Variants in SYT1 observed in about 807,000 individuals in gnomAD.
The protein encoded by SYT1 is synaptotagmin-1.
Under a neutral mutation model 44.8 loss-of-function variants are expected in SYT1, and 8 were observed. The ratio of observed to expected loss-of-function variants is 0.18; its 90% confidence interval spans 0.10 to 0.32. SYT1 has a LOEUF of 0.32. Among genes scored for constraint, SYT1 ranks in the 10% least tolerant of loss-of-function variants. The pLI, the probability that SYT1 is intolerant of heterozygous loss-of-function variation, is 1.00. For missense variants in SYT1, 286 were observed against 509.3 expected (o/e 0.56, Z 4.22); for synonymous variants, 154 against 188.8 (o/e 0.82, Z 1.51).
chr12:79,179,325 T>TATCGATATGTCTATATC (rs1872251392), intron 3 of SYT1, among the ~76,000 whole-genome samples: 1 of 50,570 alleles, frequency 2.0e-5, no homozygotes. Flanking sequence ...GATATAGATA[T>TATCGATATGTCTATATC]AGATATAGAT....
intron 1 of SYT1, among the ~76,000 whole-genome samples, chr12:78,928,686 G>A (rs960201765): frequency 6.6e-6 from 1 of 152,100 alleles, no homozygotes; most frequent in East Asian, 1.9e-4. Flanking sequence ...TGAGCAAATA[G>A]CGTGGACAGC....
chr12:78,884,566 CTT>C (rs1241151843), intron 1 of SYT1, among the ~76,000 whole-genome samples: 1 of 151,430 alleles, frequency 6.6e-6, no homozygotes, highest in Non-Finnish European at 1.5e-5. Flanking sequence ...TTTATAACAT[CTT>C]GTTTGTTTAA....
At chr12:78,962,053 G>A (rs1006643400) in intron 1 of SYT1, among the ~76,000 whole-genome samples, 1 of 152,074 alleles carries the variant, frequency 6.6e-6, no homozygotes, top group South Asian at 2.1e-4. Flanking sequence ...TCTCGTTTTT[G>A]TTTTCTTTTG....
intron 2 of SYT1, 85 bp from the exon 3 acceptor site, chr12:79,047,208 TTAAA>T (rs1367562256): frequency 6.6e-6 from 1 of 151,518 alleles, no homozygotes; most frequent in African/African-American, 2.4e-5. Flanking sequence ...AGTAGAAATA[TTAAA>T]TAATAAAATT....
Position 79,025,396 on chromosome 12 carries a change from A to G in SYT1, c.-83-21901A>G, listed in dbSNP as rs557613851. Among the ~76,000 whole-genome samples the G allele has an allele frequency of 5.9e-5, 9 of 151,824 alleles. No homozygotes were observed. The South Asian group carries it at 1.9e-3, about 31-fold the overall frequency. On this transcript the variant is annotated intron_variant, in intron 2 of 10. Coordinates refer to ENST00000261205, the MANE Select transcript of SYT1 (RefSeq NM_005639.3). ...TTTATAGAAGCACTGGGAAGCCTGGAAATGATGCTTAAATTATATTGAACC... is the reference window on the plus strand; with the variant it reads ...TTTATAGAAGCACTGGGAAGCCTGGGAATGATGCTTAAATTATATTGAACC...
chr12:79,011,059 G>T (rs77830088), intron 2 of SYT1, among the ~76,000 whole-genome samples: 1 of 152,074 alleles, frequency 6.6e-6, no homozygotes, highest in African/African-American at 2.4e-5. Context: ...CAGAATTTGC[G>T]TTCTATTTCT....
At chr12:79,273,364 C>A (rs1878538075) in intron 4 of SYT1, among the ~76,000 whole-genome samples, 1 of 152,078 alleles carries the variant, frequency 6.6e-6, no homozygotes, top group South Asian at 2.1e-4. Context: ...CCTGCCTCAG[C>A]CTCCCAAAGT....
At chr12:79,272,437 A>C (rs55991621) in intron 4 of SYT1, among the ~76,000 whole-genome samples, 2 of 152,346 alleles carry the variant, frequency 1.3e-5, no homozygotes, top group Non-Finnish European at 2.9e-5. Context: ...AAAGAAGAGT[A>C]AAACACATTG....
intron 3 of SYT1, among the ~76,000 whole-genome samples, chr12:79,137,153 T>C (rs1408623583): frequency 1.3e-5 from 2 of 151,826 alleles, no homozygotes; most frequent in Non-Finnish European, 2.9e-5. Context: ...TGGAGTGCAA[T>C]GGTGCAATCT....
intron 8 of SYT1, among the ~76,000 whole-genome samples, chr12:79,346,666 C>G (rs1166107774): frequency 6.6e-6 from 1 of 152,142 alleles, no homozygotes. Flanking sequence ...TGACAGTGTC[C>G]ATAGCACTAG....
At chr12:79,391,688 G>T (rs1427438544) in intron 9 of SYT1, among the ~76,000 whole-genome samples, 1 of 151,988 alleles carries the variant, frequency 6.6e-6, no homozygotes, top group East Asian at 1.9e-4. Context: ...GTTGATTCCC[G>T]CCCCCCAACA....
rs73353580 is a variant in SYT1 at position 79,091,565 on chromosome 12, C to T, written c.-18+44203C>T. ...GTTATTGTGATTTATCTGGAGTCAA[C>T]CAGCTTCAGCTTTCAGGGCTTCAAG... On this transcript the variant is annotated intron_variant, in intron 3 of 10. Transcript: ENST00000261205. 9.1e-3 allele frequency among the ~76,000 whole-genome samples: 1,384 copies of T among 152,014 alleles called. 27 individuals are homozygous for T. The highest frequency in any genetic ancestry group is 0.032 in the African/African-American group (1,315 of 41,506).
rs569687658 is a variant in SYT1, at chr12:78,962,811, C to A, written c.-216-14988C>A. Among the ~76,000 whole-genome samples, 11 of 152,244 alleles carry A rather than the reference C, an allele frequency of 7.2e-5. No individual in the cohort carries two copies. The South Asian group carries it at 2.3e-3, about 32-fold the overall frequency. The stretch of plus-strand genomic sequence containing the variant: ...AGCCAAAAATGATGTTTCAAAAATT[C>A]AGGTCTGATCAAGTAGAATTGCCCA... On this transcript the variant is annotated intron_variant, in intron 1 of 10. Coordinates refer to ENST00000261205, the MANE Select transcript of SYT1 (RefSeq NM_005639.3).
intron 3 of SYT1, among the ~76,000 whole-genome samples, chr12:79,140,337 A>G (rs1447090126): frequency 6.6e-6 from 1 of 151,984 alleles, no homozygotes; most frequent in African/African-American, 2.4e-5. Flanking sequence ...GTTTCCCTTT[A>G]CTGCGTATCT....
At chr12:79,024,290 G>A (rs1872383932) in intron 2 of SYT1, among the ~76,000 whole-genome samples, 1 of 151,754 alleles carries the variant, frequency 6.6e-6, no homozygotes, top group Admixed American at 6.6e-5. Flanking sequence ...TCGAGGATGG[G>A]TTGGAGAGCA....
intron 2 of SYT1, among the ~76,000 whole-genome samples, chr12:79,007,881 G>A (rs971103413): frequency 2.0e-5 from 3 of 152,018 alleles, no homozygotes; most frequent in African/African-American, 4.8e-5. Flanking sequence ...ATGAGTAATG[G>A]CCCCCTTCAG....
At chr12:78,870,411 T>C (rs528728245) in intron 1 of SYT1, among the ~76,000 whole-genome samples, 40 of 152,200 alleles carry the variant, frequency 2.6e-4, no homozygotes, top group African/African-American at 9.4e-4. Flanking sequence ...GTTCCGATAT[T>C]TTTTTATCAA....
intron 2 of SYT1, among the ~76,000 whole-genome samples, chr12:79,024,965 C>T (rs1440668226): frequency 6.6e-6 from 1 of 151,662 alleles, no homozygotes; most frequent in Non-Finnish European, 1.5e-5. Flanking sequence ...CTTTGATAGT[C>T]TAAAGCAAAG....
chr12:79,350,143 G>A (rs1278900329), intron 8 of SYT1, among the ~76,000 whole-genome samples: 1 of 152,044 alleles, frequency 6.6e-6, no homozygotes, highest in Non-Finnish European at 1.5e-5. Context: ...TTTGACTGGG[G>A]CAGAATAGAA....
Sources: allele counts gnomAD v4.1 joint callset (sites outside exome capture counted in the v4.1 genomes callset), GRCh38; gene constraint gnomAD v4.1.1; transcripts MANE v1.5; gene names NCBI Gene and HGNC (gene_info 2026-07-23, HGNC 2026-07-21).